Variants in ADGRL3 observed in about 807,000 individuals in gnomAD.
ADGRL3 encodes adhesion G protein-coupled receptor L3, also known as calcium-independent alpha-latrotoxin receptor 3.
Under a neutral mutation model 153.5 loss-of-function variants are expected in ADGRL3, and 62 were observed. That is an observed-to-expected ratio of 0.40 (90% confidence interval 0.33 to 0.50). The LOEUF is 0.50. ADGRL3 is among the 20% of genes least tolerant of loss of function. The probability of loss-of-function intolerance (pLI) is 0.47; values close to 1 mark genes in which losing one functional copy is unlikely to be tolerated. For synonymous variants in ADGRL3, 710 were observed against 672.5 expected (o/e 1.06, Z -0.86); for missense variants, 1,641 against 1,859.4 (o/e 0.88, Z 2.16).
intron 2 of ADGRL3, among the ~76,000 whole-genome samples, chr4:61,471,803 A>C (rs1472354788): frequency 6.6e-6 from 1 of 152,044 alleles, no homozygotes; most frequent in African/African-American, 2.4e-5. Flanking sequence ...GTATTATTGA[A>C]CAGAGTTTTT....
chr4:61,285,569 C>T (rs1233276195), intron 1 of ADGRL3, among the ~76,000 whole-genome samples: 3 of 151,682 alleles, frequency 2.0e-5, no homozygotes, highest in Non-Finnish European at 4.4e-5. Context: ...TGGTAAAATA[C>T]GGCGATTCAA....
At chr4:61,546,499 T>C (rs1005330486) in intron 4 of ADGRL3, among the ~76,000 whole-genome samples, 7 of 152,208 alleles carry the variant, frequency 4.6e-5, no homozygotes, top group African/African-American at 1.2e-4. Flanking sequence ...TTATTTTTAC[T>C]ATATTTTACT....
chr4:61,486,745 T>C (rs2098198979), intron 2 of ADGRL3, among the ~76,000 whole-genome samples: 1 of 152,212 alleles, frequency 6.6e-6, no homozygotes, highest in Admixed American at 6.5e-5. Flanking sequence ...AACTTTTATT[T>C]GGGAAAACCT....
At chr4:61,492,920 T>A (rs1385884877) in intron 2 of ADGRL3, among the ~76,000 whole-genome samples, 1 of 152,160 alleles carries the variant, frequency 6.6e-6, no homozygotes, top group Non-Finnish European at 1.5e-5. Flanking sequence ...TAGGTCATTT[T>A]AATCAACTTT....
intron 25 of ADGRL3, among the ~76,000 whole-genome samples, chr4:62,049,335 T>G (rs1035845780): frequency 2.6e-5 from 4 of 152,152 alleles, no homozygotes; most frequent in Non-Finnish European, 4.4e-5. Context: ...GGTTTTTATT[T>G]TTCCCTGATC....
chr4:61,991,735 C>G (rs2099104517), intron 19 of ADGRL3, among the ~76,000 whole-genome samples: 1 of 151,546 alleles, frequency 6.6e-6, no homozygotes, highest in Non-Finnish European at 1.5e-5. Flanking sequence ...AAAAAAATTC[C>G]TAACAATCAT....
chr4:61,693,105 T>A (rs149272193), intron 6 of ADGRL3, among the ~76,000 whole-genome samples: 69 of 152,112 alleles, frequency 4.5e-4, no homozygotes, highest in African/African-American at 1.3e-3. Context: ...AATAGGTTTT[T>A]TTATTATTAT....
chr4:62,025,230 G>C (rs1717788623), intron 21 of ADGRL3, among the ~76,000 whole-genome samples: 1 of 152,040 alleles, frequency 6.6e-6, no homozygotes, highest in Non-Finnish European at 1.5e-5. Context: ...TGCTATTTTA[G>C]ATATACATTG....
At chr4:61,505,823 AT>A (rs1239052737) in intron 3 of ADGRL3, among the ~76,000 whole-genome samples, 1 of 74,876 alleles carries the variant, frequency 1.3e-5, no homozygotes, top group Non-Finnish European at 2.6e-5. Flanking sequence ...ACATCTTTTA[AT>A]AAAAAAAAAA....
chr4:61,439,434 G>A (rs1578865887), intron 2 of ADGRL3, among the ~76,000 whole-genome samples: 2 of 152,268 alleles, frequency 1.3e-5, no homozygotes, highest in Middle Eastern at 3.4e-3. Context: ...TAAGAAAACA[G>A]ATGTAAATGT....
intron 1 of ADGRL3, among the ~76,000 whole-genome samples, chr4:61,258,779 T>C (rs1017940789): frequency 1.3e-5 from 2 of 152,196 alleles, no homozygotes; most frequent in Admixed American, 6.5e-5. Context: ...CTATAAACAA[T>C]AGATAAGTTA....
chr4:61,422,823 A>T (rs2097222395), intron 2 of ADGRL3, among the ~76,000 whole-genome samples: 2 of 151,436 alleles, frequency 1.3e-5, no homozygotes, highest in African/African-American at 4.8e-5. Flanking sequence ...AATATAAATA[A>T]TATATATTCT....
chr4:62,004,736 A>C (rs546353766), intron 21 of ADGRL3, among the ~76,000 whole-genome samples: 1 of 152,266 alleles, frequency 6.6e-6, no homozygotes, highest in East Asian at 1.9e-4. Flanking sequence ...TTTAAAAATC[A>C]AATGTACTTC....
chr4:61,278,247 T>C (rs1486681735), intron 1 of ADGRL3, among the ~76,000 whole-genome samples: 20 of 152,206 alleles, frequency 1.3e-4, no homozygotes, highest in African/African-American at 2.4e-5. Flanking sequence ...GCCCTTTCTC[T>C]TGCTCCCTGA....
chr4:61,305,635 G>C (rs539871305), intron 1 of ADGRL3, among the ~76,000 whole-genome samples: 1 of 152,206 alleles, frequency 6.6e-6, no homozygotes, highest in African/African-American at 2.4e-5. Flanking sequence ...TATTGACAAA[G>C]TCGGTCCCCC....
At chr4:61,224,579 T>A (rs1747077462) in intron 1 of ADGRL3, among the ~76,000 whole-genome samples, 1 of 152,170 alleles carries the variant, frequency 6.6e-6, no homozygotes, top group Admixed American at 6.6e-5. Flanking sequence ...TAGGGGATGG[T>A]GTTGTTTAAC....
At chr4:61,347,896 A>G (rs1263553114) in intron 1 of ADGRL3, among the ~76,000 whole-genome samples, 11 of 152,100 alleles carry the variant, frequency 7.2e-5, no homozygotes, top group Admixed American at 7.2e-4. Context: ...TTCTGAATCT[A>G]TCTAAAAAGA....
intron 5 of ADGRL3, among the ~76,000 whole-genome samples, chr4:61,643,200 G>A (rs2093775519): frequency 6.6e-6 from 1 of 151,950 alleles, no homozygotes; most frequent in South Asian, 2.1e-4. Flanking sequence ...TGAGACAATG[G>A]GGTTTTCTAG....
chr4:61,768,355 A>G (rs931286020), intron 8 of ADGRL3, among the ~76,000 whole-genome samples: 1 of 151,906 alleles, frequency 6.6e-6, no homozygotes, highest in East Asian at 1.9e-4. Flanking sequence ...GAGAGGTCAG[A>G]TGGGTCTGTA....
Sources: gnomAD v4.1 joint callset for allele counts (sites outside exome capture counted in the v4.1 genomes callset) on GRCh38, gnomAD v4.1.1 for gene constraint, MANE v1.5 for transcripts, NCBI Gene and HGNC (gene_info 2026-07-23, HGNC 2026-07-21) for gene names.